USP33: variants seen among roughly 807,000 people sequenced by gnomAD.
USP33 encodes ubiquitin specific peptidase 33.
Under a neutral mutation model 124.2 loss-of-function variants are expected in USP33, and 46 were observed. The observed-to-expected ratio is 0.37, with a 90% CI of 0.29 to 0.47. The LOEUF is 0.47. Ranked by LOEUF, USP33 falls within the 20% of genes least tolerant of loss-of-function variation. The pLI, the probability that USP33 is intolerant of heterozygous loss-of-function variation, is 0.99. For missense variants in USP33, 851 were observed against 1,070.6 expected (o/e 0.79, Z 2.86); for synonymous variants, 350 against 352.3 (o/e 0.99, Z 0.07).
chr1:77,712,686 T>C (rs1236673800), intron 20 of USP33, among the ~76,000 whole-genome samples: 2 of 151,348 alleles, frequency 1.3e-5, no homozygotes, highest in Non-Finnish European at 2.9e-5. Context: ...CAAAACCCCA[T>C]CTCTACAAAA....
At chr1:77,742,552 A>C (rs775611001) in intron 1 of USP33, among the ~76,000 whole-genome samples, 10 of 146,278 alleles carry the variant, frequency 6.8e-5, no homozygotes, top group Non-Finnish European at 1.5e-4. Flanking sequence ...TTTGCACATA[A>C]GGCTAAGAGA....
intron 1 of USP33, among the ~76,000 whole-genome samples, chr1:77,751,184 A>G (rs893023836): frequency 3.9e-5 from 6 of 152,182 alleles, no homozygotes; most frequent in Admixed American, 2.6e-4. Flanking sequence ...GTAATCTTGT[A>G]TCTGGCAGCT....
chr1:77,742,708 T>C (rs979699387), intron 1 of USP33, among the ~76,000 whole-genome samples: 8 of 152,290 alleles, frequency 5.3e-5, no homozygotes, highest in Non-Finnish European at 7.3e-5. Flanking sequence ...CTTTGAGGTT[T>C]GAGAACACTT....
intron 7 of USP33, 96 bp downstream of exon 7, chr1:77,734,251 C>T (rs540848201): frequency 1.1e-6 from 1 of 913,352 alleles, no homozygotes; most frequent in Non-Finnish European, 1.7e-6. Context: ...GCCTGTTCTA[C>T]CTTGAGTTAG....
At chr1:77,716,481 A>G (rs1320950517) in intron 17 of USP33, among the ~76,000 whole-genome samples, 2 of 152,214 alleles carry the variant, frequency 1.3e-5, no homozygotes, top group Admixed American at 6.5e-5. Context: ...ACAGTGCTGT[A>G]AACAGTTGCA....
At position 77,722,098 on chromosome 1, in the gene USP33, T is replaced by C. The variant is rs139512047; in HGVS notation, c.1488A>G (p.Ile496Met). ...CTTCGCCACATGATCCTGCTTTGAC[T>C]ATAGAAGTTGGATGACTTGATGAAT... Reference protein sequence around the residue: ...KLHSSSHPTSIVKAGSCGEAY... With the variant: ...KLHSSSHPTSMVKAGSCGEAY... The change falls in exon 13 of 24, where the codon ATA (isoleucine) becomes ATG (methionine). Residue 496 changes from isoleucine to methionine, a missense_variant. This residue lies in a region of USP33 where 281 missense variants were observed against 425.0 expected (regional missense o/e 0.66). Coordinates refer to ENST00000370794, the MANE Select transcript of USP33 (RefSeq NM_201624.3). The C allele has an allele frequency of 3.0e-3, 4,923 of 1,614,116 alleles. 8 individuals are homozygous for C. Among genetic ancestry groups the C allele is most frequent in the Non-Finnish European group, 3.8e-3 (4,505 of 1,179,976 alleles).
Position 77,740,906 on chromosome 1 carries a change from G to C in USP33, c.169C>G (p.Gln57Glu). The change falls in exon 4 of 24, where the codon CAA (glutamine) becomes GAA (glutamate). Residue 57 changes from glutamine (Q) to glutamate (E), a missense_variant. Coordinates refer to ENST00000370794, the MANE Select transcript of USP33 (RefSeq NM_201624.3). ...RCSYVGCGESQVDHSTIHSQE... is the reference protein window; with the variant it reads ...RCSYVGCGESEVDHSTIHSQE... ...GAATGTATGGTGCTGTGATCTACTT[G>C]TGATTCACCACAGCCAACATATGAA... The C allele has an allele frequency of 6.4e-7, 1 of 1,568,446 alleles. No homozygotes were observed. Among genetic ancestry groups the C allele is most frequent in the Middle Eastern group, 1.8e-4 (1 of 5,608 alleles).
chr1:77,697,370 G>A lies in USP33; in HGVS notation c.2683C>T (p.Pro895Ser), dbSNP rs746144128. The A allele has an allele frequency of 6.2e-6, 10 of 1,612,444 alleles. No homozygotes were observed. The highest frequency in any genetic ancestry group is 8.5e-6 in the Non-Finnish European group (10 of 1,179,680). The change falls in exon 24 of 24, where the codon CCA (proline) becomes TCA (serine). Residue 895 changes from proline to serine, a missense_variant. By Grantham distance (74) the Pro-to-Ser change is moderately conservative. Transcript: ENST00000370794. ...ILRPPVVHVD[P>S]DILQAEEKIE... Reference sequence around the variant, plus strand: ...TTTTCTTCTGCTTGAAGTATATCTGGATCAACATGAACAACCGGAGGTCGC... The same window carrying A: ...TTTTCTTCTGCTTGAAGTATATCTGAATCAACATGAACAACCGGAGGTCGC...
At chr1:77,701,570 T>C (rs1674020912) in intron 21 of USP33, 99 bp from the exon 22 acceptor site, 3 of 990,210 alleles carry the variant, frequency 3.0e-6, no homozygotes. Context: ...CTCAGCACTT[T>C]GGGAGGCTGA....
chr1:77,733,181 C>T (rs1248011735), intron 7 of USP33, among the ~76,000 whole-genome samples: 1 of 152,038 alleles, frequency 6.6e-6, no homozygotes, highest in African/African-American at 2.4e-5. Context: ...ATCACTTGAA[C>T]CCAGGAGTTG....
intron 1 of USP33, among the ~76,000 whole-genome samples, chr1:77,748,783 C>G (rs866929712): frequency 3.6e-5 from 3 of 84,110 alleles, no homozygotes; most frequent in Admixed American, 1.1e-4. Context: ...CTTCCCTCCC[C>G]CCCCCCCCCG....
At chr1:77,712,003 T>G in intron 20 of USP33, 148 bp from the exon 21 acceptor site, 1 of 753,060 alleles carries the variant, frequency 1.3e-6, no homozygotes. Flanking sequence ...GACTTGTTAT[T>G]ATGTTTATTA....
At chr1:77,729,980 T>G (rs77046804) in intron 8 of USP33, 42 bp from the exon 9 acceptor site, 4 of 1,517,606 alleles carry the variant, frequency 2.6e-6, no homozygotes, top group Non-Finnish European at 3.6e-6. Context: ...TTTGTTATTT[T>G]TAATTTTCAT....
intron 4 of USP33, among the ~76,000 whole-genome samples, chr1:77,740,408 C>T (rs929617608): frequency 2.0e-5 from 3 of 150,884 alleles, no homozygotes; most frequent in Non-Finnish European, 4.4e-5. Context: ...GGCTGGAGTG[C>T]AATGGCACGA....
intron 21 of USP33, 83 bp from the exon 22 acceptor site, chr1:77,701,554 T>G: frequency 2.6e-6 from 3 of 1,175,038 alleles, no homozygotes; most frequent in Non-Finnish European, 3.7e-6. Context: ...CTTCAGTGTT[T>G]GATAACTCAG....
At chr1:77,712,812 C>T (rs1302243608) in intron 20 of USP33, among the ~76,000 whole-genome samples, 1 of 150,938 alleles carries the variant, frequency 6.6e-6, no homozygotes, top group Admixed American at 6.6e-5. Context: ...AAGCCAAGAT[C>T]GTGCCACTGC....
intron 21 of USP33, among the ~76,000 whole-genome samples, chr1:77,702,612 ACT>A (rs1239319211): frequency 6.6e-6 from 1 of 152,092 alleles, no homozygotes; most frequent in Non-Finnish European, 1.5e-5. Flanking sequence ...ACTATACACA[ACT>A]CTGTCAGAAA....
In USP33 at chr1:77,730,728, T is replaced by C; in HGVS notation, c.528A>G (p.Pro176=). The C allele has an allele frequency of 6.4e-7, 1 of 1,563,958 alleles. No homozygotes were observed. Among genetic ancestry groups the C allele is most frequent in the Non-Finnish European group, 8.7e-7 (1 of 1,155,270 alleles). The change falls in exon 8 of 24, where the codon CCA becomes CCG. Residue 176 remains proline, a synonymous_variant. Transcript: ENST00000370794. ...AATCAAGAAAAAACTGTGTCAAAGG[T>C]GGGCTAATTTTAAAAAGAGAAAAAT... ...NAALQALSNC[P]PLTQFFLDCG...
At chr1:77,721,538 CAAAT>C in intron 14 of USP33, 1 of 490,910 alleles carries the variant, frequency 2.0e-6, no homozygotes, top group Non-Finnish European at 3.6e-6. Flanking sequence ...TACAGACACA[CAAAT>C]AAGTCCATTA....
Sources: gnomAD v4.1 joint callset for allele counts (sites outside exome capture counted in the v4.1 genomes callset) on GRCh38, gnomAD v4.1.1 for gene constraint, gnomAD v4.1.1 regional missense constraint, MANE v1.5 for transcripts, NCBI Gene and HGNC (gene_info 2026-07-23, HGNC 2026-07-21) for gene names.